Variants in SH3TC1 observed in about 807,000 individuals in gnomAD.
SH3TC1 encodes SH3 domain and tetratricopeptide repeat-containing protein 1.
In SH3TC1, 135 loss-of-function variants were observed where a neutral mutation model predicts 117.3. The observed-to-expected ratio is 1.15, with a 90% CI of 1.00 to 1.33. The LOEUF is 1.33. SH3TC1 is among the 40% of genes most tolerant of loss of function. The pLI is 0.00. For missense variants in SH3TC1, 2,092 were observed against 1,794.3 expected (o/e 1.17, Z -3.00); for synonymous variants, 898 against 816.9 (o/e 1.10, Z -1.69).
At chr4:8,219,018 A>C (rs534080170) in intron 8 of SH3TC1, among the ~76,000 whole-genome samples, 4 of 151,354 alleles carry the variant, frequency 2.6e-5, no homozygotes, top group African/African-American at 9.7e-5. Context: ...CCGGGTGGGG[A>C]GTAGGTGGGG....
chr4:8,218,178 G>C (rs1719494001), intron 7 of SH3TC1, 93 bp from the exon 8 acceptor site: 1 of 828,578 alleles, frequency 1.2e-6, no homozygotes, highest in African/African-American at 1.7e-5. Context: ...TGCTCAGGTT[G>C]CTGGGGGCTG....
At chr4:8,222,378 T>G (rs1362268781) in intron 9 of SH3TC1, among the ~76,000 whole-genome samples, 2 of 139,596 alleles carry the variant, frequency 1.4e-5, no homozygotes, top group East Asian at 2.1e-4. Context: ...TTTTTTTTTT[T>G]TTTTTTTTTT....
At position 8,227,921 on chromosome 4, in the gene SH3TC1, G is replaced by T. The variant is rs1314933239; in HGVS notation, c.2227G>T (p.Gly743Cys). 1.9e-6 allele frequency: 3 copies of T among 1,612,486 alleles called. No individual in the cohort carries two copies. The highest frequency in any genetic ancestry group is 1.7e-6 in the Non-Finnish European group (2 of 1,179,960). The part of the protein sequence containing the change: ...ASLRTRGSLA[G>C]SLRSVNLVLQ... The stretch of plus-strand genomic sequence containing the variant: ...ATTGCGGACACGGGGCTCGCTGGCC[G>T]GCTCGCTGAGGAGTGTGAACCTGGT... The change falls in exon 12 of 18, where the codon GGC (glycine) becomes TGC (cysteine). Residue 743 changes from glycine to cysteine, a missense_variant. Transcript: ENST00000245105.
At chr4:8,233,646 C>A in intron 14 of SH3TC1, 133 bp downstream of exon 14, 2 of 1,099,746 alleles carry the variant, frequency 1.8e-6, no homozygotes, top group Non-Finnish European at 2.5e-6. Flanking sequence ...TTCCATCCAT[C>A]CATCCTTCCA....
At chr4:8,219,605 G>A (rs1719708866) in intron 9 of SH3TC1, 75 bp downstream of exon 9, 2 of 1,370,236 alleles carry the variant, frequency 1.5e-6, no homozygotes, top group South Asian at 1.6e-5. Flanking sequence ...GCGTCCACCT[G>A]GCTCCCCAGG....
rs115616586 is a variant in SH3TC1 at position 8,214,162 on chromosome 4, C to T, written c.376-313C>T. Among the ~76,000 whole-genome samples, 1,114 of 151,764 alleles carry T rather than the reference C, an allele frequency of 7.3e-3. 17 individuals carry two copies. Among genetic ancestry groups the T allele is most frequent in the African/African-American group, 0.026 (1,073 of 41,300 alleles). On this transcript the variant is annotated intron_variant, in intron 4 of 17. Transcript: ENST00000245105. The stretch of plus-strand genomic sequence containing the variant: ...AGGGACCAGCTTAGGTCGGGAGAAG[C>T]GGCGGTCACTGGTGTGTGGGGGATA...
At position 8,227,117 on chromosome 4, in the gene SH3TC1, G is replaced by A. The variant is rs1167534433; in HGVS notation, c.1423G>A (p.Val475Met). 21 of 1,612,516 alleles carry A rather than the reference G, an allele frequency of 1.3e-5. No homozygotes were observed. Among genetic ancestry groups the A allele is most frequent in the East Asian group, 8.9e-5 (4 of 44,872 alleles). ...SWGLCAASSD[V>M]SLQDPEEPSF... ...GGGTCTCTGTGCGGCATCCAGCGAC[G>A]TGAGCTTGCAGGACCCCGAGGAGCC... The change falls in exon 12 of 18, where the codon GTG (valine) becomes ATG (methionine). Residue 475 changes from valine (V) to methionine (M), a missense_variant. Physicochemically the swap from Val to Met is conservative, Grantham distance 21 (BLOSUM62 1). Transcript: ENST00000245105.
chr4:8,214,355 G>A, intron 4 of SH3TC1, 120 bp from the exon 5 acceptor site: 1 of 828,108 alleles, frequency 1.2e-6, no homozygotes, highest in Non-Finnish European at 1.9e-6. Flanking sequence ...TCTGCCCTGG[G>A]TGTGTCGTCC....
intron 4 of SH3TC1, among the ~76,000 whole-genome samples, chr4:8,213,410 T>G (rs1170533074): frequency 6.6e-6 from 1 of 152,152 alleles, no homozygotes; most frequent in Non-Finnish European, 1.5e-5. Context: ...ATGCTTAGAA[T>G]TACGTCCCCG....
intron 17 of SH3TC1, among the ~76,000 whole-genome samples, chr4:8,239,875 G>A (rs1031080372): frequency 3.3e-5 from 5 of 152,252 alleles, no homozygotes; most frequent in Non-Finnish European, 7.3e-5. Context: ...TCCAGTGTTC[G>A]GTGGGGCTGG....
chr4:8,235,280 C>G (rs888446516), intron 14 of SH3TC1, among the ~76,000 whole-genome samples, 153 bp from the exon 15 acceptor site: 4 of 152,198 alleles, frequency 2.6e-5, no homozygotes, highest in Non-Finnish European at 5.9e-5. Flanking sequence ...CCCATGCCAG[C>G]GGTGGGGGCG....
At chr4:8,213,413 C>T (rs1718924763) in intron 4 of SH3TC1, among the ~76,000 whole-genome samples, 1 of 152,192 alleles carries the variant, frequency 6.6e-6, no homozygotes, top group African/African-American at 2.4e-5. Flanking sequence ...CTTAGAATTA[C>T]GTCCCCGGGA....
intron 1 of SH3TC1, among the ~76,000 whole-genome samples, chr4:8,194,170 A>G (rs1159788069): frequency 1.3e-5 from 2 of 152,094 alleles, no homozygotes; most frequent in Non-Finnish European, 2.9e-5. Flanking sequence ...ATGGATAATT[A>G]AAAGGGGCGG....
At chr4:8,231,397 G>T (rs1721192409) in intron 12 of SH3TC1, 1 of 155,090 alleles carries the variant, frequency 6.4e-6, no homozygotes, top group African/African-American at 2.4e-5. Flanking sequence ...ATGTCCACTC[G>T]GCGTACCTGG....
chr4:8,235,765 C>T (rs750057614), intron 15 of SH3TC1: 13 of 560,560 alleles, frequency 2.3e-5, no homozygotes, highest in Non-Finnish European at 3.7e-5. Flanking sequence ...ATGGCCTTAC[C>T]CTTGCACCCG....
intron 1 of SH3TC1, among the ~76,000 whole-genome samples, chr4:8,203,597 C>T (rs1203700355): frequency 6.6e-6 from 1 of 152,064 alleles, no homozygotes; most frequent in Non-Finnish European, 1.5e-5. Flanking sequence ...CCAGCTTGCC[C>T]TGTTTGGTAA....
intron 2 of SH3TC1, among the ~76,000 whole-genome samples, chr4:8,208,788 G>A (rs960721605): frequency 4.6e-5 from 7 of 152,342 alleles, no homozygotes; most frequent in Admixed American, 1.3e-4. Context: ...CAGCAAATGC[G>A]GGTGTGAAGT....
chr4:8,235,798 G>A (rs1721758662), intron 15 of SH3TC1: 1 of 433,908 alleles, frequency 2.3e-6, no homozygotes, highest in East Asian at 4.0e-5. Flanking sequence ...AACCTTGAGT[G>A]GGAAGTCCTG....
intron 2 of SH3TC1, among the ~76,000 whole-genome samples, chr4:8,208,700 G>C (rs1179281238): frequency 6.6e-6 from 1 of 152,360 alleles, no homozygotes; most frequent in Admixed American, 6.5e-5. Context: ...CTCTGGGCTT[G>C]GGCTGGGGCT....
Sources: allele counts gnomAD v4.1 joint callset (sites outside exome capture counted in the v4.1 genomes callset), GRCh38; gene constraint gnomAD v4.1.1; transcripts MANE v1.5; gene names NCBI Gene and HGNC (gene_info 2026-07-23, HGNC 2026-07-21).